The following DLC1 variants were observed in gnomAD, a reference collection of about 807,000 sequenced individuals.
DLC1 encodes rho GTPase-activating protein 7.
Under a neutral mutation model 140.3 loss-of-function variants are expected in DLC1, and 54 were observed. The ratio of observed to expected loss-of-function variants is 0.38; its 90% CI spans 0.31 to 0.48. The LOEUF is 0.48. Among genes scored for constraint, DLC1 ranks in the 20% least tolerant of loss-of-function variants. The pLI, the probability that DLC1 is intolerant of heterozygous loss-of-function variation, is 0.96. For synonymous variants in DLC1, 986 were observed against 728.1 expected, an observed-to-expected ratio of 1.35 and a Z score of -5.70; for missense variants, 2,536 against 1,907.0, an observed-to-expected ratio of 1.33 and a Z score of -6.14.
intron 1 of DLC1, among the ~76,000 whole-genome samples, chr8:13,543,154 T>C (rs573866645): frequency 3.3e-5 from 5 of 152,324 alleles, no homozygotes; most frequent in East Asian, 3.9e-4. Flanking sequence ...TTAGCAAATA[T>C]TTATTTTAGA....
intron 5 of DLC1, among the ~76,000 whole-genome samples, chr8:13,257,415 T>G: frequency 7.5e-6 from 1 of 133,908 alleles, no homozygotes. Context: ...GTAGCCTGGG[T>G]GACAGAGCAA....
At chr8:13,429,761 A>C (rs62492201) in intron 2 of DLC1, among the ~76,000 whole-genome samples, 48,834 of 152,102 alleles carry the variant, frequency 0.32, 8,804 homozygotes, top group East Asian at 0.39. Flanking sequence ...CTTGCTCAGA[A>C]AGACACACAA....
At chr8:13,475,926 G>A (rs990228730) in intron 2 of DLC1, among the ~76,000 whole-genome samples, 1 of 152,154 alleles carries the variant, frequency 6.6e-6, no homozygotes, top group South Asian at 2.1e-4. Context: ...ATTTTCTGCA[G>A]TTCCCACATA....
chr8:13,381,582 A>C (rs289514), intron 4 of DLC1, among the ~76,000 whole-genome samples: 151,919 of 152,324 alleles, frequency 1, 75,758 homozygotes, highest in Middle Eastern at 1. Context: ...TGGAGGAACA[A>C]AGCTTCTATG....
intron 5 of DLC1, among the ~76,000 whole-genome samples, chr8:13,129,818 G>A (rs1227839101): frequency 6.6e-6 from 1 of 152,214 alleles, no homozygotes; most frequent in East Asian, 1.9e-4. Flanking sequence ...GGAGGAAGGG[G>A]AAACATCTGA....
intron 5 of DLC1, among the ~76,000 whole-genome samples, chr8:13,120,072 G>A (rs976489940): frequency 3.3e-5 from 5 of 151,818 alleles, no homozygotes; most frequent in Non-Finnish European, 7.4e-5. Flanking sequence ...CTTGGGCATG[G>A]TGGCTCACGC....
rs571881053 is a variant in DLC1 at position 13,500,458 on chromosome 8, T to C, written c.-125-262A>G. Among the ~76,000 whole-genome samples, 6 of 152,294 alleles carry C rather than the reference T, an allele frequency of 3.9e-5. No individual in the cohort carries two copies. In the East Asian group the frequency reaches 9.6e-4, roughly 24 times the overall value. On this transcript the variant is annotated intron_variant, in intron 1 of 17. Coordinates refer to ENST00000276297, the MANE Select transcript of DLC1 (RefSeq NM_182643.3). Reference sequence around the variant, plus strand: ...GGATTGGTCCATTAATGAATAAAGATACAAATACTGAACATTTAAAACTCC... The same window carrying C: ...GGATTGGTCCATTAATGAATAAAGACACAAATACTGAACATTTAAAACTCC...
intron 13 of DLC1, among the ~76,000 whole-genome samples, chr8:13,091,703 C>A (rs1299900913): frequency 6.6e-6 from 1 of 152,056 alleles, no homozygotes; most frequent in African/African-American, 2.4e-5. Context: ...GGGAACAGGG[C>A]AGCTTGTAGG....
intron 4 of DLC1, among the ~76,000 whole-genome samples, chr8:13,363,445 T>A (rs189211314): frequency 1.3e-4 from 20 of 151,730 alleles, no homozygotes; most frequent in African/African-American, 4.4e-4. Context: ...ATTAACAACA[T>A]TGAAGCTCAG....
chr8:13,456,019 G>C (rs1237401975), intron 2 of DLC1, among the ~76,000 whole-genome samples: 3 of 152,204 alleles, frequency 2.0e-5, no homozygotes, highest in Non-Finnish European at 4.4e-5. Context: ...TTCAACAAGT[G>C]TTGTCTTCCA....
intron 4 of DLC1, among the ~76,000 whole-genome samples, chr8:13,365,381 C>T (rs1835432068): frequency 6.6e-6 from 1 of 152,162 alleles, no homozygotes; most frequent in Non-Finnish European, 1.5e-5. Flanking sequence ...GCTCCCCTCC[C>T]TTGAAGGAGG....
intron 5 of DLC1, among the ~76,000 whole-genome samples, chr8:13,172,558 A>G (rs1487112996): frequency 6.6e-6 from 1 of 152,220 alleles, no homozygotes; most frequent in East Asian, 1.9e-4. Flanking sequence ...CCCTTTTACT[A>G]ATGCTGCAAT....
chr8:13,235,985 T>TA (rs34878853), intron 5 of DLC1, among the ~76,000 whole-genome samples: 25 of 151,234 alleles, frequency 1.7e-4, no homozygotes, highest in South Asian at 4.2e-4. Flanking sequence ...AAGTGAAATT[T>TA]AAAAAAAAAA....
chr8:13,471,631 A>G (rs899210820), intron 2 of DLC1, among the ~76,000 whole-genome samples: 2 of 152,046 alleles, frequency 1.3e-5, no homozygotes, highest in South Asian at 2.1e-4. Context: ...ACAAAACCCT[A>G]TGACACGAGT....
intron 2 of DLC1, among the ~76,000 whole-genome samples, chr8:13,456,846 T>TTATAG (rs1563363800): frequency 6.6e-6 from 1 of 152,200 alleles, no homozygotes; most frequent in African/African-American, 2.4e-5. Context: ...TTAGCTGTGA[T>TTATAG]TATAGTACTC....
intron 1 of DLC1, among the ~76,000 whole-genome samples, chr8:13,576,942 C>A (rs1467014336): frequency 2.6e-5 from 4 of 152,020 alleles, no homozygotes; most frequent in African/African-American, 9.7e-5. Context: ...ATATCTCTGA[C>A]TGCAAAGTGC....
chr8:13,318,787 C>G (rs1367770114), intron 4 of DLC1, among the ~76,000 whole-genome samples: 2 of 152,224 alleles, frequency 1.3e-5, no homozygotes, highest in African/African-American at 4.8e-5. Flanking sequence ...TTCTACATGT[C>G]AGTCCTTGGC....
intron 1 of DLC1, among the ~76,000 whole-genome samples, chr8:13,562,882 G>A (rs1022194861): frequency 6.7e-6 from 1 of 150,272 alleles, no homozygotes; most frequent in African/African-American, 2.4e-5. Context: ...TTGTAAAGTG[G>A]TATCTAGAAT....
At chr8:13,275,943 C>G (rs540419812) in intron 5 of DLC1, among the ~76,000 whole-genome samples, 1 of 152,278 alleles carries the variant, frequency 6.6e-6, no homozygotes, top group Admixed American at 6.5e-5. Context: ...TCATCACTAC[C>G]GATTTCCTGA....
Sources: allele counts gnomAD v4.1 joint callset (sites outside exome capture counted in the v4.1 genomes callset), GRCh38; gene constraint gnomAD v4.1.1; transcripts MANE v1.5; gene names NCBI Gene and HGNC (gene_info 2026-07-23, HGNC 2026-07-21).